The following MAP3K19 variants were observed in gnomAD, a reference collection of about 807,000 sequenced individuals.
MAP3K19 encodes the protein mitogen-activated protein kinase kinase kinase 19, also known as SPS1/STE20-related protein kinase YSK4.
MAP3K19 carries 91 observed loss-of-function variants against 114.4 expected under a neutral mutation model. The ratio of observed to expected loss-of-function variants is 0.80; its 90% CI spans 0.67 to 0.95. MAP3K19 has a LOEUF of 0.95. Ranked by LOEUF, MAP3K19 falls within the 40% of genes least tolerant of loss-of-function variation. The pLI is 0.00. For synonymous variants in MAP3K19, 518 were observed against 530.5 expected (o/e 0.98, Z 0.32); for missense variants, 1,471 against 1,573.2 (o/e 0.94, Z 1.10).
At chr2:134,971,881 T>C (rs1383438072) in intron 12 of MAP3K19, among the ~76,000 whole-genome samples, 3 of 151,894 alleles carry the variant, frequency 2.0e-5, no homozygotes, top group Non-Finnish European at 4.4e-5. Context: ...ACTGATCCTT[T>C]GTATTTTTTT....
chr2:134,969,534 A>ATATGTCTTCTTTTGAGATATG (rs1683714788), intron 12 of MAP3K19, among the ~76,000 whole-genome samples: 2 of 152,144 alleles, frequency 1.3e-5, no homozygotes, highest in Non-Finnish European at 1.5e-5. Flanking sequence ...CCTGTGGGCT[A>ATATGTCTTCTTTTGAGATATG]TTTGTGTCTT....
intron 8 of MAP3K19, among the ~76,000 whole-genome samples, chr2:134,997,152 C>G (rs1489331515): frequency 6.6e-6 from 1 of 152,222 alleles, no homozygotes; most frequent in Non-Finnish European, 1.5e-5. Context: ...AGGTCCACTT[C>G]AAGTCCAGAT....
At chr2:135,016,813 C>A (rs1687612337) in intron 5 of MAP3K19, among the ~76,000 whole-genome samples, 1 of 152,150 alleles carries the variant, frequency 6.6e-6, no homozygotes, top group African/African-American at 2.4e-5. Context: ...TTTATATTAT[C>A]TCTCTCTCTT....
chr2:134,975,146 T>G (rs1684145734), intron 12 of MAP3K19, among the ~76,000 whole-genome samples: 1 of 152,026 alleles, frequency 6.6e-6, no homozygotes, highest in Admixed American at 6.5e-5. Context: ...TGGGCACTAG[T>G]GTTAGTGGGT....
rs139238771 is a variant in MAP3K19 at position 134,978,188 on chromosome 2, GA to G, written c.3920+2632del. Among the ~76,000 whole-genome samples the G allele has an allele frequency of 0.025, 3,585 of 141,452 alleles. 382 individuals carry two copies. The East Asian group carries it at 0.38, about 15-fold the overall frequency. 92.8% of individuals were successfully genotyped at this position (141,452 alleles called of 152,430 possible). A position where few individuals can be genotyped will look rare whatever the true frequency, so the allele number is the denominator to read the frequency against. On this transcript the variant is annotated intron_variant, in intron 12 of 12. Coordinates refer to ENST00000392915, the MANE Select transcript of MAP3K19 (RefSeq NM_025052.5). ...TGACTGTAGCAATCAACCTTATAAT[GA>G]TTTTTTTTTTTTTTTGAGACAGAGT... is the stretch of plus-strand genomic sequence containing the variant.
chr2:134,994,189 T>C (rs541664128), intron 8 of MAP3K19, among the ~76,000 whole-genome samples: 1 of 152,216 alleles, frequency 6.6e-6, no homozygotes, highest in East Asian at 1.9e-4. Context: ...AGATGAGCAA[T>C]ATCAACATTT....
rs1411858828 is a variant in MAP3K19, at chr2:134,985,928, C to T, written c.2944G>A (p.Glu982Lys). 1.2e-6 allele frequency: 2 copies of T among 1,614,014 alleles called. No homozygotes were observed. Among genetic ancestry groups the T allele is most frequent in the Non-Finnish European group, 1.7e-6 (2 of 1,180,012 alleles). ...CLAAELLALD[E>K]KDNNSCQKMA... ...TTTTGGCAAGAGTTGTTATCTTTCTCATCAAGAGCTAATAATTCTGCAGCT... is the reference window on the plus strand; with the variant it reads ...TTTTGGCAAGAGTTGTTATCTTTCTTATCAAGAGCTAATAATTCTGCAGCT... Residue 982 changes from glutamate (E) to lysine (K), a missense_variant, in exon 10 of 13, where the codon GAG becomes AAG. Physicochemically the swap from Glu to Lys is moderately conservative, Grantham distance 56 (BLOSUM62 1). Transcript: ENST00000392915.
chr2:134,975,531 G>T (rs924751987), intron 12 of MAP3K19, among the ~76,000 whole-genome samples: 1 of 152,132 alleles, frequency 6.6e-6, no homozygotes, highest in South Asian at 2.1e-4. Context: ...GGCAGGGTGG[G>T]GTGATCCCCA....
Position 134,986,384 on chromosome 2 carries a change from G to C in MAP3K19, c.2488C>G (p.Leu830Val). 6.2e-7 allele frequency: 1 copy of C among 1,613,876 alleles called. No individual in the cohort carries two copies. The highest frequency in any genetic ancestry group is 8.5e-7 in the Non-Finnish European group (1 of 1,180,010). The part of the protein sequence containing the change: ...GDRDISNNQI[L>V]TTSLRDLQEL... ...TGCAGATCTCTGAGGCTTGTGGTGA[G>C]TATTTGATTGTTAGAAATGTCTCTA... Residue 830 changes from leucine (L) to valine (V), a missense_variant, in exon 10 of 13, where the codon CTC becomes GTC. Physicochemically the swap from Leu to Val is conservative, Grantham distance 32 (BLOSUM62 1). Transcript: ENST00000392915.
intron 8 of MAP3K19, among the ~76,000 whole-genome samples, chr2:134,995,673 A>G (rs997591991): frequency 6.6e-6 from 1 of 152,224 alleles, no homozygotes; most frequent in African/African-American, 2.4e-5. Flanking sequence ...GATAAATACA[A>G]TGTCTAAAAG....
chr2:134,991,424 A>G, intron 9 of MAP3K19, 113 bp downstream of exon 9: 1 of 883,574 alleles, frequency 1.1e-6, no homozygotes, highest in African/African-American at 1.6e-5. Flanking sequence ...CAGTGACCCT[A>G]CCCCCTGCAT....
At chr2:135,044,757 T>C (rs2104803511) in intron 1 of MAP3K19, among the ~76,000 whole-genome samples, 1 of 152,350 alleles carries the variant, frequency 6.6e-6, no homozygotes, top group East Asian at 1.9e-4. Context: ...CCTCTTGTTT[T>C]ATTTTTTCCC....
rs1559151620 is a variant in MAP3K19, at chr2:134,986,932, C to G, written c.1940G>C (p.Ser647Thr). The G allele has an allele frequency of 1.2e-6, 2 of 1,614,100 alleles. No homozygotes were observed. Among genetic ancestry groups the G allele is most frequent in the African/African-American group, 1.3e-5 (1 of 75,018 alleles). Reference sequence around the variant, plus strand: ...TGAATTGATTTCTTTGAACATATCACTATACTTAAGATCTAGGTAATTTAG... The same window carrying G: ...TGAATTGATTTCTTTGAACATATCAGTATACTTAAGATCTAGGTAATTTAG... ...PRLNYLDLKY[S>T]DMFKEINSTA... The change falls in exon 10 of 13, where the codon AGT becomes ACT. Residue 647 changes from serine to threonine, a missense_variant. Ser to Thr is a moderately conservative substitution (Grantham distance 58). Coordinates refer to ENST00000392915, the MANE Select transcript of MAP3K19 (RefSeq NM_025052.5).
At chr2:134,984,915 G>C (rs1003380182) in intron 10 of MAP3K19, among the ~76,000 whole-genome samples, 1 of 152,184 alleles carries the variant, frequency 6.6e-6, no homozygotes, top group Non-Finnish European at 1.5e-5. Context: ...TCGCAGCACT[G>C]CGCTCCAGCC....
intron 9 of MAP3K19, 187 bp downstream of exon 9, chr2:134,991,350 A>C: frequency 1.6e-6 from 1 of 619,382 alleles, no homozygotes. Context: ...CCGGTAGGCT[A>C]TTAGTAGCTA....
At chr2:134,973,274 A>G (rs943260220) in intron 12 of MAP3K19, among the ~76,000 whole-genome samples, 4 of 152,202 alleles carry the variant, frequency 2.6e-5, no homozygotes, top group African/African-American at 7.2e-5. Context: ...CTCTCTTCAG[A>G]TCTAATAATA....
At chr2:135,027,125 G>C (rs962031016) in intron 3 of MAP3K19, among the ~76,000 whole-genome samples, 1 of 152,000 alleles carries the variant, frequency 6.6e-6, no homozygotes, top group African/African-American at 2.4e-5. Context: ...TGTGCCTGTA[G>C]TTCCAGCTAC....
rs773526669 is a variant in MAP3K19, at chr2:134,987,265, C to T, written c.1607G>A (p.Ser536Asn). The change falls in exon 10 of 13, where the codon AGT (serine) becomes AAT (asparagine). Residue 536 changes from serine (S) to asparagine (N), a missense_variant. Physicochemically the swap from Ser to Asn is conservative, Grantham distance 46. Coordinates refer to ENST00000392915, the MANE Select transcript of MAP3K19 (RefSeq NM_025052.5). Reference sequence around the variant, plus strand: ...TGTCTTGGTCTTTGAATCCAACTTACTCCTATGGGAATTCATCTTATGCTT... The same window carrying T: ...TGTCTTGGTCTTTGAATCCAACTTATTCCTATGGGAATTCATCTTATGCTT... ...NDKHKMNSHRSKLDSKTKTSK... is the reference protein window; with the variant it reads ...NDKHKMNSHRNKLDSKTKTSK... 1 of 1,614,148 alleles carries T rather than the reference C, an allele frequency of 6.2e-7. No homozygotes were observed. The highest frequency in any genetic ancestry group is 1.7e-5 in the Admixed American group (1 of 60,014).
At chr2:135,033,421 A>C (rs1475063310) in intron 2 of MAP3K19, among the ~76,000 whole-genome samples, 238 of 55,964 alleles carry the variant, frequency 4.3e-3, no homozygotes, top group Admixed American at 4.8e-3. Context: ...GGCAGAGGGG[A>C]TCCTCACTTC....
Sources: gnomAD v4.1 joint callset for allele counts (sites outside exome capture counted in the v4.1 genomes callset) on GRCh38, gnomAD v4.1.1 for gene constraint, MANE v1.5 for transcripts, NCBI Gene and HGNC (gene_info 2026-07-23, HGNC 2026-07-21) for gene names.